CAMTA1: variants seen among roughly 807,000 people sequenced by gnomAD.
CAMTA1 encodes the protein calmodulin binding transcription activator 1, also known as calmodulin-binding transcription activator 1.
CAMTA1 carries 27 observed loss-of-function variants against 170.9 expected under a neutral mutation model. That is an observed-to-expected ratio of 0.16 (90% CI 0.12 to 0.22). CAMTA1 has a LOEUF of 0.22. Ranked by LOEUF, CAMTA1 falls within the 10% of genes least tolerant of loss-of-function variation. The probability of loss-of-function intolerance (pLI) is 1.00; values close to 1 mark genes in which losing one functional copy is unlikely to be tolerated. For synonymous variants in CAMTA1, 833 were observed against 891.5 expected, an observed-to-expected ratio of 0.93 and a Z score of 1.17; for missense variants, 1,619 against 2,217.2, an observed-to-expected ratio of 0.73 and a Z score of 5.42.
chr1:7,209,412 T>C (rs1483536743), intron 4 of CAMTA1, among the ~76,000 whole-genome samples: 1 of 152,222 alleles, frequency 6.6e-6, no homozygotes, highest in East Asian at 1.9e-4. Context: ...ATTAACACTT[T>C]GGGGTTGATT....
At chr1:7,043,731 C>A (rs929724037) in intron 3 of CAMTA1, among the ~76,000 whole-genome samples, 3 of 152,220 alleles carry the variant, frequency 2.0e-5, no homozygotes, top group South Asian at 2.1e-4. Context: ...TTTTCGTCTT[C>A]GGTGGGTGGC....
chr1:6,830,202 A>C (rs1472969996), intron 3 of CAMTA1, among the ~76,000 whole-genome samples: 1 of 151,350 alleles, frequency 6.6e-6, no homozygotes. Context: ...ATGCCGGGCT[A>C]GTTTTTTATA....
chr1:7,509,420 C>T lies in CAMTA1; in HGVS notation c.510+41519C>T, dbSNP rs543588029. Among the ~76,000 whole-genome samples the T allele has an allele frequency of 2.0e-5, 3 of 152,290 alleles. No homozygotes were observed. The East Asian group carries it at 5.8e-4, about 29-fold the overall frequency. Reference sequence around the variant, plus strand: ...TCAGAACAGAGAGAAAACACCGTGACACGGGTTTGATTTCTAAACTGTCGG... The same window carrying T: ...TCAGAACAGAGAGAAAACACCGTGATACGGGTTTGATTTCTAAACTGTCGG... On this transcript the variant is annotated intron_variant, in intron 6 of 22. Transcript: ENST00000303635.
At chr1:6,983,196 C>T (rs775226895) in intron 3 of CAMTA1, among the ~76,000 whole-genome samples, 7 of 152,138 alleles carry the variant, frequency 4.6e-5, no homozygotes, top group Non-Finnish European at 1.0e-4. Context: ...AGAGTATGTG[C>T]GGGGAACCTT....
chr1:7,189,684 G>A (rs1396095569), intron 4 of CAMTA1, among the ~76,000 whole-genome samples: 1 of 152,216 alleles, frequency 6.6e-6, no homozygotes, highest in East Asian at 1.9e-4. Context: ...CACTGCTGGT[G>A]GGAATGTAAA....
chr1:7,739,010 A>C (rs2096791055), intron 16 of CAMTA1, among the ~76,000 whole-genome samples: 1 of 152,196 alleles, frequency 6.6e-6, no homozygotes, highest in East Asian at 1.9e-4. Flanking sequence ...CTTATAATAA[A>C]TCTAAAAATT....
At chr1:6,916,660 C>T (rs1173649683) in intron 3 of CAMTA1, among the ~76,000 whole-genome samples, 1 of 152,142 alleles carries the variant, frequency 6.6e-6, no homozygotes, top group Non-Finnish European at 1.5e-5. Context: ...TGTGTGAGAC[C>T]CATGGTGGGC....
At chr1:7,088,263 G>T (rs77770521) in intron 3 of CAMTA1, among the ~76,000 whole-genome samples, 1,592 of 152,236 alleles carry the variant, frequency 0.01, 25 homozygotes, top group African/African-American at 0.035. Context: ...TTTACCTTTG[G>T]GGTGGAGGAG....
intron 3 of CAMTA1, among the ~76,000 whole-genome samples, chr1:7,061,182 G>C (rs752305327): frequency 2.0e-5 from 3 of 152,180 alleles, no homozygotes; most frequent in Admixed American, 6.5e-5. Flanking sequence ...AAAGAGTTTG[G>C]TTCGGTTTGA....
At chr1:7,379,269 A>C (rs186076437) in intron 5 of CAMTA1, among the ~76,000 whole-genome samples, 1 of 152,318 alleles carries the variant, frequency 6.6e-6, no homozygotes, top group African/African-American at 2.4e-5. Context: ...TTAGCTTTCA[A>C]AAATAGTTGA....
intron 6 of CAMTA1, among the ~76,000 whole-genome samples, chr1:7,510,191 G>A (rs1263496319): frequency 7.2e-6 from 1 of 138,538 alleles, no homozygotes; most frequent in Non-Finnish European, 1.6e-5. Context: ...GCTACCAAGG[G>A]TCACCTGTTT....
chr1:7,502,854 C>T (rs1349857830), intron 6 of CAMTA1, among the ~76,000 whole-genome samples: 1 of 152,206 alleles, frequency 6.6e-6, no homozygotes, highest in African/African-American at 2.4e-5. Flanking sequence ...CACAAGAGCT[C>T]CCCTACAAGG....
intron 3 of CAMTA1, among the ~76,000 whole-genome samples, chr1:6,900,813 G>A (rs1007000222): frequency 6.6e-6 from 1 of 152,318 alleles, no homozygotes; most frequent in East Asian, 1.9e-4. Flanking sequence ...GCTATACCAT[G>A]TATTGAAAGA....
chr1:6,844,958 A>T (rs879301924), intron 3 of CAMTA1, among the ~76,000 whole-genome samples: 2 of 152,128 alleles, frequency 1.3e-5, no homozygotes, highest in Non-Finnish European at 2.9e-5. Flanking sequence ...TAAGGGATTT[A>T]TTTTTTATAG....
At position 7,113,185 on chromosome 1, in the gene CAMTA1, T is replaced by A. The variant is rs1644166760; in HGVS notation, c.302+21814T>A. Among the ~76,000 whole-genome samples the A allele has an allele frequency of 6.6e-6, 1 of 152,220 alleles. No individual in the cohort carries two copies. The highest frequency in any genetic ancestry group is 1.9e-4 in the East Asian group (1 of 5,192). On this transcript the variant is annotated intron_variant, in intron 4 of 22. Transcript: ENST00000303635. The surrounding 1 kb of genome is among the most constrained non-coding windows in gnomAD (Gnocchi z 4.5). ...ACTTTATTAAGGCCAGAATCATCCT[T>A]TTCTGTCAGAAGCCACAGACAGAGG...
Position 7,633,474 on chromosome 1 carries a change from G to C in CAMTA1, c.511-6926G>C, listed in dbSNP as rs992782191. Among the ~76,000 whole-genome samples the C allele has an allele frequency of 6.6e-6, 1 of 152,266 alleles. No individual in the cohort carries two copies. The highest frequency in any genetic ancestry group is 3.4e-3 in the Middle Eastern group (1 of 294). On this transcript the variant is annotated intron_variant, in intron 6 of 22. Coordinates refer to ENST00000303635, the MANE Select transcript of CAMTA1 (RefSeq NM_015215.4). This position sits in a 1 kb window ranked among gnomAD's most constrained non-coding sequence, Gnocchi z 4.1. ...CCCCTCCTCTTCCAGCCCATGCCTG[G>C]GATGGACACCGACTCCTTCCCCGCA...
intron 3 of CAMTA1, among the ~76,000 whole-genome samples, chr1:6,902,058 CACACACACACACACAAAAAA>C (rs1410026926): frequency 1.9e-5 from 2 of 102,728 alleles, no homozygotes; most frequent in Non-Finnish European, 4.3e-5. Context: ...CACACACACA[CACACACACACACACAAAAAA>C]AAAAATAAAA....
chr1:7,737,032 C>T lies in CAMTA1; in HGVS notation c.3342+23C>T, dbSNP rs200902597. Reference sequence around the variant, plus strand: ...CTGGTAAGGAATGGATTCCTGTAGCCCCCCCTTGCTGTTCTTCCAGTCTGG... The same window carrying T: ...CTGGTAAGGAATGGATTCCTGTAGCTCCCCCTTGCTGTTCTTCCAGTCTGG... On this transcript the variant is annotated intron_variant, in intron 14 of 22. Coordinates refer to ENST00000303635, the MANE Select transcript of CAMTA1 (RefSeq NM_015215.4). The T allele has an allele frequency of 6.1e-5, 96 of 1,566,104 alleles. No individual in the cohort carries two copies. The African/African-American group carries it at 7.6e-4, about 12-fold the overall frequency.
rs761447240 is a variant in CAMTA1, at chr1:7,661,773, T to C, written c.712T>C (p.Phe238Leu). 2.5e-6 allele frequency: 4 copies of C among 1,613,748 alleles called. No homozygotes were observed. In the Admixed American group the frequency reaches 6.7e-5, roughly 27 times the overall value. ...CAGCAATGGGAACAGCAGCTCAGGC[T>C]TCTCGGTGGAACAGCTGGTGCAGCA... ...TCSNGNSSSG[F>L]SVEQLVQQIL... Residue 238 changes from phenylalanine to leucine, a missense_variant, in exon 8 of 23, where the codon TTC (phenylalanine) becomes CTC (leucine). Phe to Leu is a conservative substitution (Grantham distance 22). This residue lies in a region of CAMTA1 where 731 missense variants were observed against 907.6 expected (regional missense o/e 0.81). Transcript: ENST00000303635.
Sources: gnomAD v4.1 joint callset for allele counts (sites outside exome capture counted in the v4.1 genomes callset) on GRCh38, gnomAD v4.1.1 for gene constraint, gnomAD v4.1.1 regional missense constraint, Gnocchi (gnomAD v3.1) non-coding constraint, MANE v1.5 for transcripts, NCBI Gene and HGNC (gene_info 2026-07-23, HGNC 2026-07-21) for gene names.